The following EBF1 variants were observed in gnomAD, a reference collection of about 807,000 sequenced individuals.
EBF1 encodes transcription factor COE1.
A neutral mutation model predicts 68.4 loss-of-function variants in EBF1; 10 were observed. That is an observed-to-expected ratio of 0.15 (90% confidence interval 0.09 to 0.25). EBF1 has a LOEUF of 0.25. EBF1 is among the 10% of genes least tolerant of loss of function. EBF1 has a pLI of 1.00. For missense variants in EBF1, 509 were observed against 794.4 expected (o/e 0.64, Z 4.32); for synonymous variants, 298 against 299.8 (o/e 0.99, Z 0.06).
chr5:158,946,342 A>G (rs1303525012), intron 6 of EBF1, among the ~76,000 whole-genome samples: 2 of 152,020 alleles, frequency 1.3e-5, no homozygotes, highest in African/African-American at 4.8e-5. Flanking sequence ...GGTCTTTGCT[A>G]TTGGTGACCT....
intron 6 of EBF1, among the ~76,000 whole-genome samples, chr5:159,025,548 T>G (rs1421834795): frequency 6.6e-6 from 1 of 152,238 alleles, no homozygotes; most frequent in Non-Finnish European, 1.5e-5. Flanking sequence ...TTTTATTTCT[T>G]CTTTAACCTT....
At chr5:158,798,026 A>C (rs1779888621) in intron 8 of EBF1, among the ~76,000 whole-genome samples, 1 of 152,038 alleles carries the variant, frequency 6.6e-6, no homozygotes, top group Non-Finnish European at 1.5e-5. Flanking sequence ...TGCATGATTA[A>C]GTACTCCCAA....
intron 6 of EBF1, among the ~76,000 whole-genome samples, chr5:158,973,536 C>T (rs1413197604): frequency 6.6e-6 from 1 of 152,028 alleles, no homozygotes; most frequent in Non-Finnish European, 1.5e-5. Context: ...TATTTGGCGT[C>T]CTCCCTTTTG....
chr5:158,955,272 G>A (rs1000954616), intron 6 of EBF1, among the ~76,000 whole-genome samples: 8 of 152,038 alleles, frequency 5.3e-5, no homozygotes, highest in East Asian at 1.9e-4. Flanking sequence ...GTAGTGAGCC[G>A]AGATTGCACC....
At chr5:158,712,014 C>T in intron 14 of EBF1, 140 bp downstream of exon 14, 2 of 995,016 alleles carry the variant, frequency 2.0e-6, no homozygotes, top group Non-Finnish European at 2.9e-6. Flanking sequence ...GCCTTTAGCA[C>T]CATCACCCAG....
chr5:158,825,735 G>A (rs1328304357), intron 7 of EBF1, among the ~76,000 whole-genome samples: 2 of 151,680 alleles, frequency 1.3e-5, no homozygotes, highest in Non-Finnish European at 2.9e-5. Context: ...AATCAAAATT[G>A]GAAAAAAGAT....
chr5:158,951,127 C>T (rs1259572245), intron 6 of EBF1, among the ~76,000 whole-genome samples: 1 of 152,204 alleles, frequency 6.6e-6, no homozygotes, highest in Non-Finnish European at 1.5e-5. Flanking sequence ...ATTCATGTGG[C>T]ACTAAATCAT....
chr5:158,725,445 G>T (rs1436776594), intron 11 of EBF1, among the ~76,000 whole-genome samples: 1 of 152,190 alleles, frequency 6.6e-6, no homozygotes, highest in Non-Finnish European at 1.5e-5. Context: ...TGGACAAATA[G>T]AACCCTCCTC....
At chr5:159,086,609 A>G (rs1780680123) in intron 4 of EBF1, among the ~76,000 whole-genome samples, 1 of 152,184 alleles carries the variant, frequency 6.6e-6, no homozygotes, top group Admixed American at 6.5e-5. Flanking sequence ...GGGATAACAC[A>G]GAGGTGATTT....
chr5:158,825,209 C>T lies in EBF1; in HGVS notation c.637-1892G>A, dbSNP rs73297956. Among the ~76,000 whole-genome samples the T allele has an allele frequency of 8.9e-3, 1,349 of 152,214 alleles. 16 individuals carry two copies. Among genetic ancestry groups the T allele is most frequent in the African/African-American group, 0.03 (1,265 of 41,536 alleles). ...TAAAAGAAAGAAGAAGAGAAGAAAA[C>T]GGTCTACTATTTTGCCTTCAAAAAC... On this transcript the variant is annotated intron_variant, in intron 7 of 15. Transcript: ENST00000313708.
At chr5:158,859,162 A>G (rs139037563) in intron 6 of EBF1, among the ~76,000 whole-genome samples, 30 of 152,308 alleles carry the variant, frequency 2.0e-4, no homozygotes, top group African/African-American at 7.2e-4. Context: ...CCTCCCTTTG[A>G]GTCAAGTGAT....
intron 6 of EBF1, among the ~76,000 whole-genome samples, chr5:158,863,877 C>T (rs1270539681): frequency 2.6e-5 from 4 of 152,102 alleles, no homozygotes; most frequent in Admixed American, 6.5e-5. Context: ...ATACAGAAAC[C>T]GGAAGCTCAA....
At chr5:158,800,360 T>C (rs1780360473) in intron 8 of EBF1, among the ~76,000 whole-genome samples, 1 of 152,102 alleles carries the variant, frequency 6.6e-6, no homozygotes, top group Non-Finnish European at 1.5e-5. Flanking sequence ...AGGAAGGATA[T>C]GTATAACTGT....
chr5:158,990,126 G>A (rs1217989686), intron 6 of EBF1, among the ~76,000 whole-genome samples: 2 of 152,164 alleles, frequency 1.3e-5, no homozygotes, highest in Admixed American at 1.3e-4. Context: ...CTAGACATGG[G>A]ATTGGGGCAC....
At chr5:158,969,916 G>GAAAAAAA (rs61157554) in intron 6 of EBF1, among the ~76,000 whole-genome samples, 31 of 80,098 alleles carry the variant, frequency 3.9e-4, no homozygotes, top group Admixed American at 2.4e-3. Flanking sequence ...AAGAAAGAAA[G>GAAAAAAA]AAAAAAAAAA....
At chr5:158,708,265 C>T in intron 14 of EBF1, 92 bp from the exon 15 acceptor site, 2 of 1,284,728 alleles carry the variant, frequency 1.6e-6, no homozygotes, top group African/African-American at 1.5e-5. Context: ...AGCCACCTTG[C>T]TCTGCCCTGC....
At chr5:159,007,500 A>T (rs1277116384) in intron 6 of EBF1, among the ~76,000 whole-genome samples, 2 of 152,194 alleles carry the variant, frequency 1.3e-5, no homozygotes, top group Non-Finnish European at 2.9e-5. Flanking sequence ...AGAACAACAT[A>T]GCTTTGGGTC....
At chr5:158,944,968 T>C (rs191564609) in intron 6 of EBF1, among the ~76,000 whole-genome samples, 63 of 152,356 alleles carry the variant, frequency 4.1e-4, no homozygotes, top group African/African-American at 1.5e-3. Context: ...ATTCTGGATA[T>C]TAGCCCTTTG....
At chr5:158,972,706 C>T (rs1755883746) in intron 6 of EBF1, among the ~76,000 whole-genome samples, 1 of 152,244 alleles carries the variant, frequency 6.6e-6, no homozygotes, top group Non-Finnish European at 1.5e-5. Context: ...CTTCCGATCT[C>T]ACTCAGAGTA....
Sources: allele counts gnomAD v4.1 joint callset (sites outside exome capture counted in the v4.1 genomes callset), GRCh38; gene constraint gnomAD v4.1.1; transcripts MANE v1.5; gene names NCBI Gene and HGNC (gene_info 2026-07-23, HGNC 2026-07-21).